SKIC2: variants seen among roughly 807,000 people sequenced by gnomAD.
The protein encoded by SKIC2 is SKI2 subunit of superkiller complex, also known as superkiller complex protein 2.
chr6:31,962,356 C>A, the SKIC2 span: 1 of 1,461,814 alleles, frequency 6.8e-7, no homozygotes, highest in Non-Finnish European at 9.6e-7. The surrounding 1 kb of genome is among the most constrained non-coding windows in gnomAD (Gnocchi z 5.0). Flanking sequence ...CTGGGGCATG[C>A]TTCCACGAGG....
the SKIC2 span, among the ~76,000 whole-genome samples, chr6:31,966,171 C>T: frequency 6.6e-6 from 1 of 152,192 alleles, no homozygotes; most frequent in Non-Finnish European, 1.5e-5. This position sits in a 1 kb window ranked among gnomAD's most constrained non-coding sequence, Gnocchi z 5.9. Flanking sequence ...TCTCGGGTCA[C>T]CGCAACCTCT....
the SKIC2 span, chr6:31,969,661 GGCTACCTT>G: frequency 6.2e-7 from 1 of 1,610,252 alleles, no homozygotes; most frequent in Non-Finnish European, 8.5e-7. The surrounding 1 kb of genome is among the most constrained non-coding windows in gnomAD (Gnocchi z 6.1). Context: ...TGGAGACAGC[GGCTACCTT>G]GCTACGGCGG....
At chr6:31,959,716 C>T in the SKIC2 span, 1 of 550,610 alleles carries the variant, frequency 1.8e-6, no homozygotes, top group South Asian at 2.5e-5. Flanking sequence ...AACCTTTCAT[C>T]CTTAGGTCTG....
At chr6:31,963,415 G>A in the SKIC2 span, 8 of 1,558,626 alleles carry the variant, frequency 5.1e-6, no homozygotes, top group South Asian at 6.0e-5. The surrounding 1 kb of genome is among the most constrained non-coding windows in gnomAD (Gnocchi z 5.3). Context: ...TTCTTCAGGC[G>A]GCTGAAGCGT....
chr6:31,963,702 A>G, the SKIC2 span: 19 of 1,551,926 alleles, frequency 1.2e-5, no homozygotes, highest in Non-Finnish European at 1.5e-5. The surrounding 1 kb of genome is among the most constrained non-coding windows in gnomAD (Gnocchi z 5.3). Context: ...TTTGGGGCCA[A>G]GCAGCCCACA....
the SKIC2 span, chr6:31,962,628 G>A: frequency 2.2e-5 from 35 of 1,609,322 alleles, no homozygotes; most frequent in Non-Finnish European, 2.9e-5. The surrounding 1 kb of genome is among the most constrained non-coding windows in gnomAD (Gnocchi z 5.0). Flanking sequence ...TGGCTGGGAA[G>A]ATGTGGCCGT....
the SKIC2 span, chr6:31,963,002 G>A: frequency 1.9e-6 from 3 of 1,612,050 alleles, no homozygotes; most frequent in African/African-American, 1.3e-5. This position sits in a 1 kb window ranked among gnomAD's most constrained non-coding sequence, Gnocchi z 5.3. Context: ...TCGTGTGGGA[G>A]GAGGTGCTTA....
the SKIC2 span, chr6:31,959,555 C>T: frequency 1.6e-6 from 1 of 635,634 alleles, no homozygotes; most frequent in South Asian, 1.8e-5. Flanking sequence ...GCCCAGTGTA[C>T]CTGCAGTACA....
chr6:31,959,714 A>G, the SKIC2 span: 2 of 549,148 alleles, frequency 3.6e-6, no homozygotes, highest in Admixed American at 6.9e-5. Context: ...CCAACCTTTC[A>G]TCCTTAGGTC....
At chr6:31,968,198 T>C in the SKIC2 span, 1 of 1,495,914 alleles carries the variant, frequency 6.7e-7, no homozygotes, top group Non-Finnish European at 9.2e-7. This position sits in a 1 kb window ranked among gnomAD's most constrained non-coding sequence, Gnocchi z 6.1. Context: ...GGGGTTGTAG[T>C]GAGGGGGCTC....
the SKIC2 span, chr6:31,962,189 A>G: frequency 1.0e-6 from 1 of 967,856 alleles, no homozygotes; most frequent in South Asian, 1.6e-5. This position sits in a 1 kb window ranked among gnomAD's most constrained non-coding sequence, Gnocchi z 5.0. Context: ...GACTGAGACA[A>G]GAGCCCAGAG....
At chr6:31,969,465 G>T in the SKIC2 span, 3 of 1,613,840 alleles carry the variant, frequency 1.9e-6, no homozygotes, top group Middle Eastern at 3.3e-4. This position sits in a 1 kb window ranked among gnomAD's most constrained non-coding sequence, Gnocchi z 6.1. Context: ...TGGCTGGGGA[G>T]AACCTGCCCA....
At chr6:31,967,297 G>C in the SKIC2 span, 3 of 1,612,956 alleles carry the variant, frequency 1.9e-6, no homozygotes, top group Non-Finnish European at 2.5e-6. This position sits in a 1 kb window ranked among gnomAD's most constrained non-coding sequence, Gnocchi z 4.9. Flanking sequence ...GTCTGTGAAC[G>C]GGCTGAAGTC....
the SKIC2 span, chr6:31,959,422 C>T: frequency 6.5e-7 from 1 of 1,544,840 alleles, no homozygotes; most frequent in South Asian, 1.1e-5. Flanking sequence ...TTGACCCTAA[C>T]CTTTGACCCG....
chr6:31,965,797 A>C, the SKIC2 span: 2 of 1,606,320 alleles, frequency 1.2e-6, no homozygotes, highest in Non-Finnish European at 1.7e-6. The surrounding 1 kb of genome is among the most constrained non-coding windows in gnomAD (Gnocchi z 5.6). Flanking sequence ...TGTTTGCCAC[A>C]GAGACCTTTG....
At chr6:31,968,327 G>A in the SKIC2 span, 2 of 1,611,986 alleles carry the variant, frequency 1.2e-6, no homozygotes, top group Non-Finnish European at 1.7e-6. This position sits in a 1 kb window ranked among gnomAD's most constrained non-coding sequence, Gnocchi z 6.1. Context: ...TCCCTCTTCA[G>A]GAAGGATCCT....
chr6:31,960,195 C>T, the SKIC2 span: 9 of 1,610,156 alleles, frequency 5.6e-6, no homozygotes, highest in Non-Finnish European at 7.6e-6. Flanking sequence ...AAAGAAGACC[C>T]AAAAGTTACT....
At chr6:31,963,132 C>T in the SKIC2 span, 13 of 1,351,660 alleles carry the variant, frequency 9.6e-6, no homozygotes, top group Non-Finnish European at 1.3e-5. This position sits in a 1 kb window ranked among gnomAD's most constrained non-coding sequence, Gnocchi z 5.3. Flanking sequence ...AAGGGGGCTA[C>T]AGTACTCCTT....
the SKIC2 span, chr6:31,963,537 C>G: frequency 1.3e-6 from 2 of 1,593,588 alleles, no homozygotes; most frequent in Non-Finnish European, 1.7e-6. The surrounding 1 kb of genome is among the most constrained non-coding windows in gnomAD (Gnocchi z 5.3). Context: ...GCTGGACTCC[C>G]GAGGAGCCTT....
Sources: gnomAD v4.1 joint callset for allele counts (sites outside exome capture counted in the v4.1 genomes callset) on GRCh38, gnomAD v4.1.1 for gene constraint, Gnocchi (gnomAD v3.1) non-coding constraint, MANE v1.5 for transcripts, NCBI Gene and HGNC (gene_info 2026-07-23, HGNC 2026-07-21) for gene names.